Variants in LIN52 observed in about 807,000 individuals in gnomAD.
LIN52 encodes protein lin-52 homolog.
In LIN52, 4 loss-of-function variants were observed where a neutral mutation model predicts 18.5. The ratio of observed to expected loss-of-function variants is 0.22; its 90% confidence interval spans 0.11 to 0.49. The LOEUF is 0.49. LIN52 is among the 20% of genes least tolerant of loss of function. LIN52 has a pLI of 0.97. For synonymous variants in LIN52, 34 were observed against 45.5 expected (o/e 0.75, Z 1.02); for missense variants, 102 against 139.5 (o/e 0.73, Z 1.35).
intron 5 of LIN52, among the ~76,000 whole-genome samples, chr14:74,177,531 A>T (rs189593051): frequency 6.6e-6 from 1 of 152,200 alleles, no homozygotes; most frequent in African/African-American, 2.4e-5. Context: ...AGTCTCTCCT[A>T]TGTCTTTTTG....
chr14:74,146,522 T>G (rs1457585889), intron 5 of LIN52, among the ~76,000 whole-genome samples: 1 of 152,208 alleles, frequency 6.6e-6, no homozygotes, highest in Non-Finnish European at 1.5e-5. Flanking sequence ...GATAAACTCC[T>G]GTGTTACATT....
intron 1 of LIN52, among the ~76,000 whole-genome samples, chr14:74,087,373 G>A (rs1319256002): frequency 2.2e-5 from 3 of 138,758 alleles, no homozygotes; most frequent in Non-Finnish European, 3.0e-5. Context: ...CCGAGATCAC[G>A]CCACTGCACT....
chr14:74,095,985 T>C lies in LIN52; in HGVS notation c.132T>C (p.Ser44=), dbSNP rs200930577. ...GVAEFAASFK[S]PITSSPPKWM... ...CTGAATTTGCAGCTTCCTTCAAAAG[T>C]GTAAGTAATATCCCTTACCTACTGA... Residue 44 remains serine (S), a splice_region_variant and synonymous_variant, in exon 3 of 6, where the codon AGT becomes AGC. Coordinates refer to ENST00000555028, the MANE Select transcript of LIN52 (RefSeq NM_001024674.3). 6 of 1,607,440 alleles carry C rather than the reference T, an allele frequency of 3.7e-6. No individual in the cohort carries two copies. Among genetic ancestry groups the C allele is most frequent in the Admixed American group, 1.7e-5 (1 of 59,428 alleles).
intron 5 of LIN52, among the ~76,000 whole-genome samples, chr14:74,183,454 T>C (rs1434889712): frequency 6.6e-6 from 1 of 152,156 alleles, no homozygotes; most frequent in Non-Finnish European, 1.5e-5. Context: ...GGCCAATTAA[T>C]CATCCCTGTC....
intron 5 of LIN52, among the ~76,000 whole-genome samples, chr14:74,123,663 C>A (rs2061011616): frequency 6.6e-6 from 1 of 152,070 alleles, no homozygotes; most frequent in Admixed American, 6.6e-5. Flanking sequence ...CTAAGACGGT[C>A]CCCAGTGATC....
chr14:74,147,340 A>G (rs1320809757), intron 5 of LIN52, among the ~76,000 whole-genome samples: 2 of 152,212 alleles, frequency 1.3e-5, no homozygotes, highest in African/African-American at 2.4e-5. Context: ...AATTAACTCA[A>G]AATGGATCAT....
chr14:74,098,846 C>T (rs1305939929), intron 4 of LIN52, among the ~76,000 whole-genome samples: 2 of 152,160 alleles, frequency 1.3e-5, no homozygotes, highest in East Asian at 1.9e-4. Flanking sequence ...CCACGCCCCG[C>T]GTAAACTCTG....
chr14:74,136,563 T>C lies in LIN52; in HGVS notation c.283+35325T>C, dbSNP rs180826843. 7.0e-4 allele frequency among the ~76,000 whole-genome samples: 106 copies of C among 152,294 alleles called. 2 individuals are homozygous for C. The highest frequency in any genetic ancestry group is 1.1e-3 in the Non-Finnish European group (78 of 68,010). On this transcript the variant is annotated intron_variant, in intron 5 of 5. Coordinates refer to ENST00000555028, the MANE Select transcript of LIN52 (RefSeq NM_001024674.3). Reference sequence around the variant, plus strand: ...CATCCATTTCTGCTGCTGTCAGCTGTTAAGTTCAGTAAAAACAAGGGTTTA... The same window carrying C: ...CATCCATTTCTGCTGCTGTCAGCTGCTAAGTTCAGTAAAAACAAGGGTTTA...
At chr14:74,104,314 C>T (rs2060883528) in intron 5 of LIN52, among the ~76,000 whole-genome samples, 1 of 152,152 alleles carries the variant, frequency 6.6e-6, no homozygotes, top group Non-Finnish European at 1.5e-5. Context: ...CTGTAGTTGA[C>T]TCATAAATGC....
intron 5 of LIN52, among the ~76,000 whole-genome samples, chr14:74,145,087 T>A (rs942829973): frequency 6.6e-6 from 1 of 152,240 alleles, no homozygotes; most frequent in Non-Finnish European, 1.5e-5. Context: ...GTAGCTGTAG[T>A]TGGCTTTTAT....
intron 5 of LIN52, among the ~76,000 whole-genome samples, chr14:74,149,411 G>A (rs967537455): frequency 2.0e-5 from 3 of 152,168 alleles, no homozygotes; most frequent in Admixed American, 6.5e-5. Flanking sequence ...TCTGGCAGCT[G>A]TCTCCTTTTT....
At position 74,120,796 on chromosome 14, in the gene LIN52, C is replaced by T. The variant is rs954107956; in HGVS notation, c.283+19558C>T. 1.2e-4 allele frequency among the ~76,000 whole-genome samples: 18 copies of T among 151,726 alleles called. 1 individual carries two copies. The highest frequency in any genetic ancestry group is 3.9e-4 in the African/African-American group (16 of 41,430). ...AATTAGCTGGGCTTGGTGGCGTGCG[C>T]CTGTAGTCCCAGCTACTCAGGAGGC... On this transcript the variant is annotated intron_variant, in intron 5 of 5. Transcript: ENST00000555028.
At chr14:74,171,049 C>T (rs999939463) in intron 5 of LIN52, among the ~76,000 whole-genome samples, 1 of 150,250 alleles carries the variant, frequency 6.7e-6, no homozygotes, top group Non-Finnish European at 1.5e-5. Flanking sequence ...GCTTGGTGTA[C>T]TCTATATCTT....
intron 5 of LIN52, among the ~76,000 whole-genome samples, chr14:74,198,313 T>C (rs1425854729): frequency 6.6e-6 from 1 of 152,098 alleles, no homozygotes; most frequent in Non-Finnish European, 1.5e-5. Context: ...GAAAGACACA[T>C]AAACCTTGGC....
At chr14:74,186,471 A>G (rs1407407956) in intron 5 of LIN52, among the ~76,000 whole-genome samples, 1 of 152,010 alleles carries the variant, frequency 6.6e-6, no homozygotes, top group Admixed American at 6.6e-5. Context: ...AAAGTAAATA[A>G]ACAAAGTTAA....
chr14:74,158,119 A>ATG (rs373987542), intron 5 of LIN52, among the ~76,000 whole-genome samples: 1 of 112,176 alleles, frequency 8.9e-6, no homozygotes, highest in Non-Finnish European at 2.0e-5. Flanking sequence ...ATATATATAT[A>ATG]TATATATTTT....
At chr14:74,178,808 T>C (rs2061304197) in intron 5 of LIN52, among the ~76,000 whole-genome samples, 4 of 151,844 alleles carry the variant, frequency 2.6e-5, no homozygotes, top group Admixed American at 2.6e-4. Flanking sequence ...AGGCTGGACA[T>C]AGTGCCTCAT....
intron 2 of LIN52, among the ~76,000 whole-genome samples, chr14:74,094,177 T>A (rs2139856187): frequency 6.6e-6 from 1 of 152,304 alleles, no homozygotes; most frequent in African/African-American, 2.4e-5. Context: ...TTCATTCTTT[T>A]AAATATATTT....
chr14:74,096,249 C>T (rs562157162), intron 3 of LIN52, among the ~76,000 whole-genome samples: 5 of 152,108 alleles, frequency 3.3e-5, no homozygotes, highest in South Asian at 4.2e-4. Context: ...TTAGTAGAGA[C>T]GGGGTTCACC....
Sources: allele counts gnomAD v4.1 joint callset (sites outside exome capture counted in the v4.1 genomes callset), GRCh38; gene constraint gnomAD v4.1.1; transcripts MANE v1.5; gene names NCBI Gene and HGNC (gene_info 2026-07-23, HGNC 2026-07-21).